Variants in EYS observed in about 807,000 individuals in gnomAD.
EYS encodes the protein EGF-like photoreceptor maintenance factor.
EYS carries 250 observed loss-of-function variants against 282.1 expected under a neutral mutation model. That is an observed-to-expected ratio of 0.89 (90% CI 0.80 to 0.98). The LOEUF (loss-of-function observed/expected upper bound fraction) is 0.98, where lower values mean the gene tolerates loss of function less well. EYS is among the 50% of genes least tolerant of loss of function. The pLI is 0.00. For missense variants in EYS, 4,016 were observed against 3,709.0 expected, an observed-to-expected ratio of 1.08 and a Z score of -2.15; for synonymous variants, 1,355 against 1,282.9, an observed-to-expected ratio of 1.06 and a Z score of -1.20.
At chr6:65,386,817 T>C (rs1262486860) in intron 7 of EYS, among the ~76,000 whole-genome samples, 4 of 151,918 alleles carry the variant, frequency 2.6e-5, no homozygotes, top group Non-Finnish European at 4.4e-5. Context: ...ACCTTTCAGA[T>C]TACCGTGTTT....
At chr6:65,547,581 T>C (rs1308909253) in intron 2 of EYS, among the ~76,000 whole-genome samples, 1 of 152,150 alleles carries the variant, frequency 6.6e-6, no homozygotes, top group Non-Finnish European at 1.5e-5. Flanking sequence ...TGTATTGGGA[T>C]TATTGGATTT....
chr6:64,882,809 G>A (rs943884955), intron 19 of EYS, among the ~76,000 whole-genome samples: 3 of 151,504 alleles, frequency 2.0e-5, no homozygotes, highest in Non-Finnish European at 3.0e-5. Context: ...TACCAGAGTA[G>A]ACTAAACTTT....
chr6:64,870,806 G>T (rs1361537399), intron 19 of EYS, among the ~76,000 whole-genome samples: 1 of 151,708 alleles, frequency 6.6e-6, no homozygotes, highest in Non-Finnish European at 1.5e-5. Flanking sequence ...ATTCACTGGA[G>T]GGACTTAAAG....
chr6:65,391,832 T>C (rs1766048360), intron 7 of EYS, among the ~76,000 whole-genome samples: 1 of 152,076 alleles, frequency 6.6e-6, no homozygotes, highest in Admixed American at 6.6e-5. Flanking sequence ...TTAAAGTTCA[T>C]ATGGAACCAA....
At chr6:63,829,646 G>A (rs1771571594) in intron 36 of EYS, among the ~76,000 whole-genome samples, 1 of 152,180 alleles carries the variant, frequency 6.6e-6, no homozygotes, top group Non-Finnish European at 1.5e-5. Context: ...GCAGGGCATA[G>A]CTGAACAAAA....
chr6:65,633,182 T>G (rs1766978685), intron 2 of EYS, among the ~76,000 whole-genome samples: 1 of 152,220 alleles, frequency 6.6e-6, no homozygotes, highest in Admixed American at 6.5e-5. Flanking sequence ...CTTTTGTATA[T>G]CTAATGCTTT....
chr6:64,948,467 A>G (rs1437440216), intron 14 of EYS, among the ~76,000 whole-genome samples: 3 of 147,226 alleles, frequency 2.0e-5, no homozygotes, highest in Non-Finnish European at 4.5e-5. Context: ...ATTATTAAAT[A>G]TTAAATATTA....
At chr6:65,335,204 C>T in intron 10 of EYS, 58 bp from the exon 11 acceptor site, 1 of 1,205,884 alleles carries the variant, frequency 8.3e-7, no homozygotes, top group Admixed American at 1.7e-5. Context: ...TACAATATTA[C>T]AATTGTGACC....
At chr6:63,753,333 A>T (rs1474063559) in intron 41 of EYS, among the ~76,000 whole-genome samples, 10 of 151,876 alleles carry the variant, frequency 6.6e-5, no homozygotes, top group Admixed American at 6.6e-4. Flanking sequence ...TTGATTATGT[A>T]CATGTGTCAT....
intron 18 of EYS, among the ~76,000 whole-genome samples, chr6:64,889,426 T>C (rs1360368282): frequency 6.6e-6 from 1 of 151,960 alleles, no homozygotes; most frequent in African/African-American, 2.4e-5. Flanking sequence ...CCATAATTCT[T>C]GTTTTTTCAA....
intron 35 of EYS, among the ~76,000 whole-genome samples, chr6:63,939,590 G>T (rs1335864687): frequency 2.0e-5 from 3 of 151,900 alleles, no homozygotes; most frequent in African/African-American, 4.8e-5. Context: ...AGCAACAAGG[G>T]TTTTAACTAC....
In EYS at chr6:65,646,948, C is replaced by T. The variant is rs185118866; in HGVS notation, c.-447-7056G>A. Among the ~76,000 whole-genome samples, 147 of 150,728 alleles carry T rather than the reference C, an allele frequency of 9.8e-4. 1 individual carries two copies. The highest frequency in any genetic ancestry group is 3.0e-3 in the African/African-American group (121 of 40,254). On this transcript the variant is annotated intron_variant, in intron 1 of 42. Transcript: ENST00000503581. ...AAAAAATAAAATACTTCAAAAAATA[C>T]CTAACCAAGAAGATGAAAGACCTCT...
At chr6:64,394,874 C>T (rs1328372521) in intron 28 of EYS, among the ~76,000 whole-genome samples, 5 of 152,096 alleles carry the variant, frequency 3.3e-5, no homozygotes, top group Non-Finnish European at 7.4e-5. Flanking sequence ...ATTTTTGCAA[C>T]CTACTCATCT....
At chr6:65,602,258 G>C in intron 2 of EYS, among the ~76,000 whole-genome samples, 1 of 151,870 alleles carries the variant, frequency 6.6e-6, no homozygotes, top group Non-Finnish European at 1.5e-5. Flanking sequence ...TTATAAATGT[G>C]AAACTATAGT....
chr6:65,537,754 G>A (rs768024277), intron 2 of EYS, among the ~76,000 whole-genome samples: 5 of 152,126 alleles, frequency 3.3e-5, no homozygotes, highest in Admixed American at 3.3e-4. Context: ...ACTAGAACAC[G>A]CTTGAATATT....
intron 12 of EYS, among the ~76,000 whole-genome samples, chr6:65,120,326 A>T (rs1313769483): frequency 2.6e-5 from 4 of 151,716 alleles, no homozygotes. Context: ...TTTTTAAAAT[A>T]GTTTTCTTCA....
At chr6:64,227,110 G>A (rs1766273583) in intron 31 of EYS, among the ~76,000 whole-genome samples, 1 of 151,840 alleles carries the variant, frequency 6.6e-6, no homozygotes, top group African/African-American at 2.4e-5. Context: ...TCTTTCATCA[G>A]TTATGTCTAG....
At chr6:65,629,539 C>A (rs1766839855) in intron 2 of EYS, among the ~76,000 whole-genome samples, 1 of 152,192 alleles carries the variant, frequency 6.6e-6, no homozygotes, top group African/African-American at 2.4e-5. Context: ...GAAAACCCCA[C>A]ATGAGAACTA....
chr6:64,677,574 C>G (rs1769738019), intron 22 of EYS, among the ~76,000 whole-genome samples: 1 of 152,020 alleles, frequency 6.6e-6, no homozygotes, highest in African/African-American at 2.4e-5. Flanking sequence ...TTAAGATGAC[C>G]TCCATATCAC....
Sources: allele counts gnomAD v4.1 joint callset (sites outside exome capture counted in the v4.1 genomes callset), GRCh38; gene constraint gnomAD v4.1.1; transcripts MANE v1.5; gene names NCBI Gene and HGNC (gene_info 2026-07-23, HGNC 2026-07-21).